Variants in ANKRD30A observed in about 807,000 individuals in gnomAD.
ANKRD30A encodes ankyrin repeat domain 30A.
A neutral mutation model predicts 166.3 loss-of-function variants in ANKRD30A; 170 were observed. That is an observed-to-expected ratio of 1.02 (90% CI 0.90 to 1.16). ANKRD30A has a LOEUF of 1.16. ANKRD30A is among the 50% of genes most tolerant of loss of function. ANKRD30A has a pLI of 0.00. For missense variants in ANKRD30A, 1,630 were observed against 1,518.0 expected, an observed-to-expected ratio of 1.07 and a Z score of -1.23; for synonymous variants, 564 against 508.9, an observed-to-expected ratio of 1.11 and a Z score of -1.46.
intron 6 of ANKRD30A, among the ~76,000 whole-genome samples, chr10:37,140,407 A>C (rs1218193830): frequency 6.6e-6 from 1 of 152,256 alleles, no homozygotes; most frequent in Non-Finnish European, 1.5e-5. Flanking sequence ...AGGGTGCCTC[A>C]GTACCAATAG....
intron 9 of ANKRD30A, among the ~76,000 whole-genome samples, chr10:37,148,493 A>G (rs976621952): frequency 5.3e-5 from 8 of 152,052 alleles, no homozygotes; most frequent in African/African-American, 1.9e-4. Context: ...TTTTTTTAGC[A>G]GAGGCATTCT....
rs575687035 is a variant in ANKRD30A at position 37,193,886 on chromosome 10, C to T, written c.2614+628C>T. 2.4e-4 allele frequency among the ~76,000 whole-genome samples: 36 copies of T among 152,268 alleles called. 1 individual carries two copies. In the South Asian group the frequency reaches 7.3e-3, roughly 31 times the overall value. On this transcript the variant is annotated intron_variant, in intron 27 of 35. Transcript: ENST00000361713. Reference sequence around the variant, plus strand: ...CTGAATTAGTTCTTGTTGTCATTCCCGTGAACGTTTACAACATTTTACAAT... The same window carrying T: ...CTGAATTAGTTCTTGTTGTCATTCCTGTGAACGTTTACAACATTTTACAAT...
chr10:37,220,618 C>G (rs924400491), intron 34 of ANKRD30A, among the ~76,000 whole-genome samples: 2 of 150,986 alleles, frequency 1.3e-5, no homozygotes, highest in Non-Finnish European at 3.0e-5. Context: ...TTTAATCACC[C>G]CACTGGTATT....
intron 29 of ANKRD30A, among the ~76,000 whole-genome samples, chr10:37,198,993 CAT>C (rs1257931883): frequency 6.6e-6 from 1 of 152,078 alleles, no homozygotes; most frequent in Non-Finnish European, 1.5e-5. Flanking sequence ...TATCCTATAA[CAT>C]GTGGGAACGT....
At chr10:37,224,035 TAAAC>T (rs1843011912) in intron 34 of ANKRD30A, among the ~76,000 whole-genome samples, 1 of 151,354 alleles carries the variant, frequency 6.6e-6, no homozygotes, top group Non-Finnish European at 1.5e-5. Flanking sequence ...TTTTGATAAT[TAAAC>T]AAATTATTCT....
chr10:37,251,806 C>T, the ANKRD30A span, among the ~76,000 whole-genome samples: 1 of 152,164 alleles, frequency 6.6e-6, no homozygotes, highest in Non-Finnish European at 1.5e-5. Flanking sequence ...AGAGAATTTT[C>T]AAAGTGCTCC....
chr10:37,155,197 C>T (rs1433191233), intron 13 of ANKRD30A, among the ~76,000 whole-genome samples: 2 of 151,976 alleles, frequency 1.3e-5, no homozygotes, highest in Admixed American at 6.6e-5. Flanking sequence ...AAGTCTATTG[C>T]AACTAAATTT....
intron 6 of ANKRD30A, among the ~76,000 whole-genome samples, chr10:37,139,720 T>G (rs927144934): frequency 7.2e-5 from 11 of 152,320 alleles, no homozygotes; most frequent in East Asian, 3.9e-4. Flanking sequence ...AACATGGTTT[T>G]ATTGATTGAT....
Position 37,219,359 on chromosome 10 carries a change from G to T in ANKRD30A, c.3647G>T (p.Arg1216Ile). 6.2e-7 allele frequency: 1 copy of T among 1,610,416 alleles called. No homozygotes were observed. Residue 1216 changes from arginine to isoleucine, a missense_variant, in exon 34 of 36, where the codon AGA becomes ATA. Transcript: ENST00000361713. ...GACCATGATCAAATTGTGACATCAA[G>T]AAAAAGTCAAGAACCTGCTTTCCAC... Reference protein sequence around the residue: ...VQDHDQIVTSRKSQEPAFHIA... With the variant: ...VQDHDQIVTSIKSQEPAFHIA...
intron 6 of ANKRD30A, among the ~76,000 whole-genome samples, chr10:37,138,720 G>A (rs1239684804): frequency 6.6e-6 from 1 of 152,162 alleles, no homozygotes; most frequent in Non-Finnish European, 1.5e-5. Context: ...AGACATATGG[G>A]GCTATGTGAA....
intron 25 of ANKRD30A, 117 bp from the exon 26 acceptor site, chr10:37,192,947 G>A: frequency 6.8e-7 from 1 of 1,468,812 alleles, no homozygotes; most frequent in Non-Finnish European, 9.5e-7. Flanking sequence ...AAAAGCTAGT[G>A]TAATCCCTTT....
chr10:37,151,518 C>T (rs17605798), intron 11 of ANKRD30A, among the ~76,000 whole-genome samples: 3 of 151,956 alleles, frequency 2.0e-5, no homozygotes, highest in African/African-American at 4.8e-5. Context: ...CATATACACA[C>T]CCAAAACACA....
At chr10:37,128,004 A>G (rs1836155405) in intron 1 of ANKRD30A, among the ~76,000 whole-genome samples, 1 of 152,128 alleles carries the variant, frequency 6.6e-6, no homozygotes, top group Admixed American at 6.5e-5. Context: ...AATGGCTTTT[A>G]TAAATACATT....
chr10:37,159,374 C>A (rs138337902), intron 15 of ANKRD30A, among the ~76,000 whole-genome samples: 1 of 151,946 alleles, frequency 6.6e-6, no homozygotes, highest in Non-Finnish European at 1.5e-5. Context: ...AAAAAATAGC[C>A]GGTTGTGATG....
intron 13 of ANKRD30A, among the ~76,000 whole-genome samples, chr10:37,155,540 T>G (rs1383132971): frequency 6.6e-6 from 1 of 152,180 alleles, no homozygotes; most frequent in African/African-American, 2.4e-5. Flanking sequence ...TGTAATGATA[T>G]AAATTATTAT....
In ANKRD30A at chr10:37,197,504, C is replaced by A. The variant is rs571785842; in HGVS notation, c.2716+24C>A. On this transcript the variant is annotated intron_variant, in intron 29 of 35. Transcript: ENST00000361713. Reference sequence around the variant, plus strand: ...AGGTACATTTTTCAATGTAACTATGCGAAGACCAATATTTCAATATTGAAC... The same window carrying A: ...AGGTACATTTTTCAATGTAACTATGAGAAGACCAATATTTCAATATTGAAC... 9 of 1,611,334 alleles carry A rather than the reference C, an allele frequency of 5.6e-6. No individual in the cohort carries two copies. In the African/African-American group the frequency reaches 9.4e-5, roughly 17 times the overall value.
At chr10:37,236,837 G>T (rs1564609681), downstream of ANKRD30A, among the ~76,000 whole-genome samples, 1 of 152,074 alleles carries the variant, frequency 6.6e-6, no homozygotes, top group Non-Finnish European at 1.5e-5. Flanking sequence ...GTCCTATTTG[G>T]AGAAAATTAA....
At chr10:37,134,155 A>C in intron 5 of ANKRD30A, 102 bp downstream of exon 5, 1 of 1,362,920 alleles carries the variant, frequency 7.3e-7, no homozygotes. Flanking sequence ...CTAGGCAAAA[A>C]GCTAGACTAG....
intron 13 of ANKRD30A, 32 bp from the exon 14 acceptor site, chr10:37,158,360 A>G (rs748890387): frequency 1.8e-5 from 29 of 1,599,230 alleles, no homozygotes; most frequent in East Asian, 6.7e-5. Flanking sequence ...AGGCTTGCAT[A>G]TAATCAATTA....
Sources: allele counts gnomAD v4.1 joint callset (sites outside exome capture counted in the v4.1 genomes callset), GRCh38; gene constraint gnomAD v4.1.1; transcripts MANE v1.5; gene names NCBI Gene and HGNC (gene_info 2026-07-23, HGNC 2026-07-21).